The following MARK1 variants were observed in gnomAD, a reference collection of about 807,000 sequenced individuals.
MARK1 encodes serine/threonine-protein kinase MARK1.
Under a neutral mutation model 96.3 loss-of-function variants are expected in MARK1, and 40 were observed. The ratio of observed to expected loss-of-function variants is 0.42; its 90% CI spans 0.32 to 0.54. MARK1 has a LOEUF of 0.54. Among genes scored for constraint, MARK1 ranks in the 20% least tolerant of loss-of-function variants. The probability of loss-of-function intolerance (pLI) is 0.16; values close to 1 mark genes in which losing one functional copy is unlikely to be tolerated. For synonymous variants in MARK1, 317 were observed against 341.2 expected (o/e 0.93, Z 0.78); for missense variants, 719 against 984.6 (o/e 0.73, Z 3.61).
Position 220,573,776 on chromosome 1 carries a change from G to C in MARK1, c.52-5578G>C, listed in dbSNP as rs145325607. Among the ~76,000 whole-genome samples, 1,314 of 151,682 alleles carry C rather than the reference G, an allele frequency of 8.7e-3. 16 individuals carry two copies. The highest frequency in any genetic ancestry group is 0.029 in the African/African-American group (1,202 of 41,304). On this transcript the variant is annotated intron_variant, in intron 1 of 17. Transcript: ENST00000366917. The stretch of plus-strand genomic sequence containing the variant: ...TCTTTTTAAATGTTGCAGTATTGTA[G>C]TATATTGTATATTGTAGTATATGTA...
rs529768564 is a variant in MARK1, at chr1:220,558,554, A to G, written c.52-20800A>G. On this transcript the variant is annotated intron_variant, in intron 1 of 17. Coordinates refer to ENST00000366917, the MANE Select transcript of MARK1 (RefSeq NM_018650.5). Reference sequence around the variant, plus strand: ...AAAAAGATGATTAAGAATCTGACATATCAATATTAATATCAGACTAATAAG... The same window carrying G: ...AAAAAGATGATTAAGAATCTGACATGTCAATATTAATATCAGACTAATAAG... Among the ~76,000 whole-genome samples the G allele has an allele frequency of 3.9e-5, 6 of 152,198 alleles. No homozygotes were observed. In the South Asian group the frequency reaches 1.0e-3, roughly 26 times the overall value.
At chr1:220,529,316 C>T (rs1660150334) in intron 1 of MARK1, among the ~76,000 whole-genome samples, 1 of 152,238 alleles carries the variant, frequency 6.6e-6, no homozygotes, top group Non-Finnish European at 1.5e-5. Flanking sequence ...CTCTCCCCTC[C>T]TCCCCCCGCA....
intron 1 of MARK1, among the ~76,000 whole-genome samples, chr1:220,571,446 A>G (rs192313800): frequency 1.5e-3 from 236 of 152,312 alleles, no homozygotes; most frequent in Middle Eastern, 3.4e-3. Flanking sequence ...AGCTGTTAAA[A>G]CATTTTTGTC....
intron 3 of MARK1, among the ~76,000 whole-genome samples, chr1:220,591,772 CT>C (rs1245276970): frequency 2.6e-5 from 4 of 152,056 alleles, no homozygotes; most frequent in African/African-American, 9.7e-5. Context: ...GAGTTTGGTT[CT>C]GCCAATTGTC....
chr1:220,577,767 G>A (rs1663967725), intron 1 of MARK1, among the ~76,000 whole-genome samples: 1 of 152,162 alleles, frequency 6.6e-6, no homozygotes. Flanking sequence ...CCCTAAAATT[G>A]TTTATAATAG....
At position 220,604,835 on chromosome 1, in the gene MARK1, A is replaced by G. The variant is rs60323434; in HGVS notation, c.495+698A>G. Among the ~76,000 whole-genome samples the G allele has an allele frequency of 3.7e-3, 556 of 152,292 alleles. 5 individuals are homozygous for G. The highest frequency in any genetic ancestry group is 0.013 in the African/African-American group (525 of 41,582). ...TGAATTGTAAATTGTAAGCATACATATAAGTTACCATAGAAATAGCAAATT... is the reference window on the plus strand; with the variant it reads ...TGAATTGTAAATTGTAAGCATACATGTAAGTTACCATAGAAATAGCAAATT... On this transcript the variant is annotated intron_variant, in intron 6 of 17. Coordinates refer to ENST00000366917, the MANE Select transcript of MARK1 (RefSeq NM_018650.5).
intron 9 of MARK1, among the ~76,000 whole-genome samples, chr1:220,625,257 T>G (rs979758556): frequency 6.6e-6 from 1 of 152,224 alleles, no homozygotes; most frequent in Non-Finnish European, 1.5e-5. Context: ...CACTAGGATA[T>G]AAGCAGAGTT....
At chr1:220,584,964 T>A (rs181333128) in intron 3 of MARK1, among the ~76,000 whole-genome samples, 21 of 152,328 alleles carry the variant, frequency 1.4e-4, no homozygotes, top group Non-Finnish European at 2.9e-4. Context: ...TTGTCACATG[T>A]GTGGATCATT....
At chr1:220,546,399 A>G (rs1198085782) in intron 1 of MARK1, among the ~76,000 whole-genome samples, 1 of 152,218 alleles carries the variant, frequency 6.6e-6, no homozygotes. Context: ...TATACTAGAA[A>G]GTAGAGTTTC....
chr1:220,605,626 A>T (rs1666023332), intron 6 of MARK1, among the ~76,000 whole-genome samples: 1 of 151,800 alleles, frequency 6.6e-6, no homozygotes, highest in South Asian at 2.1e-4. Flanking sequence ...TCAACTCATC[A>T]TTTACATTAG....
Position 220,637,445 on chromosome 1 carries a change from C to T in MARK1, c.1470+1419C>T, listed in dbSNP as rs530067516. On this transcript the variant is annotated intron_variant, in intron 13 of 17. Transcript: ENST00000366917. Reference sequence around the variant, plus strand: ...CTGTAATCCCAGCACTTTGGGAGGACGAGGTGACTGGATCACTTGAGGTCA... The same window carrying T: ...CTGTAATCCCAGCACTTTGGGAGGATGAGGTGACTGGATCACTTGAGGTCA... 9.9e-5 allele frequency among the ~76,000 whole-genome samples: 15 copies of T among 152,086 alleles called. No individual in the cohort carries two copies. In the East Asian group the frequency reaches 1.2e-3, roughly 12 times the overall value.
At chr1:220,580,735 C>T (rs970980094) in intron 2 of MARK1, among the ~76,000 whole-genome samples, 3 of 152,172 alleles carry the variant, frequency 2.0e-5, no homozygotes, top group Non-Finnish European at 4.4e-5. Context: ...ACTGCAAGTT[C>T]ACAAGCCACT....
intron 1 of MARK1, among the ~76,000 whole-genome samples, chr1:220,529,902 T>A (rs1003602258): frequency 6.6e-6 from 1 of 152,098 alleles, no homozygotes; most frequent in Non-Finnish European, 1.5e-5. Flanking sequence ...CCTAGAGGGG[T>A]ACTAAGTTTT....
At chr1:220,626,569 C>A in intron 9 of MARK1, 1 of 423,576 alleles carries the variant, frequency 2.4e-6, no homozygotes, top group Non-Finnish European at 4.7e-6. Flanking sequence ...CATGCCTGTT[C>A]TCAGCATTTT....
intron 13 of MARK1, among the ~76,000 whole-genome samples, chr1:220,648,244 G>T (rs1466288688): frequency 6.6e-6 from 1 of 152,090 alleles, no homozygotes; most frequent in Non-Finnish European, 1.5e-5. Context: ...TTACATGGTT[G>T]GTTTCCACAT....
At chr1:220,596,146 A>G (rs1665327517) in intron 3 of MARK1, among the ~76,000 whole-genome samples, 1 of 152,212 alleles carries the variant, frequency 6.6e-6, no homozygotes, top group Non-Finnish European at 1.5e-5. Flanking sequence ...TGAAGCCATG[A>G]TAAATCATTA....
At chr1:220,534,476 A>G (rs1347231454) in intron 1 of MARK1, among the ~76,000 whole-genome samples, 1 of 152,024 alleles carries the variant, frequency 6.6e-6, no homozygotes, top group East Asian at 1.9e-4. Context: ...GTTAACCACC[A>G]ATCTACTCTC....
At chr1:220,599,996 A>T in intron 5 of MARK1, 133 bp downstream of exon 5, 1 of 504,212 alleles carries the variant, frequency 2.0e-6, no homozygotes, top group Admixed American at 3.4e-5. Flanking sequence ...TTTAAATTAC[A>T]TCTTAAGGAA....
chr1:220,528,977 C>G, intron 1 of MARK1, 104 bp downstream of exon 1: 1 of 1,165,538 alleles, frequency 8.6e-7, no homozygotes, highest in Admixed American at 2.5e-5. Context: ...CGCGGCCACC[C>G]GCGGCAGGGT....
Sources: gnomAD v4.1 joint callset for allele counts (sites outside exome capture counted in the v4.1 genomes callset) on GRCh38, gnomAD v4.1.1 for gene constraint, MANE v1.5 for transcripts, NCBI Gene and HGNC (gene_info 2026-07-23, HGNC 2026-07-21) for gene names.